Variants in AFF4 observed in about 807,000 individuals in gnomAD.
AFF4 encodes the protein AF4/FMR2 family member 4.
In AFF4, 13 loss-of-function variants were observed where a neutral mutation model predicts 124.8. The ratio of observed to expected loss-of-function variants is 0.10; its 90% CI spans 0.07 to 0.17. AFF4 has a LOEUF of 0.17. Ranked by LOEUF, AFF4 falls within the 10% of genes least tolerant of loss-of-function variation. The pLI, the probability that AFF4 is intolerant of heterozygous loss-of-function variation, is 1.00. For synonymous variants in AFF4, 477 were observed against 496.1 expected (o/e 0.96, Z 0.51); for missense variants, 1,092 against 1,403.8 (o/e 0.78, Z 3.55).
chr5:132,895,346 G>A lies in AFF4; in HGVS notation c.2307+977C>T, dbSNP rs562007495. ...TAATTTGTCTGAATATATATCATCTGCACGTGGCACTGTGGTTTTATGAAA... is the reference window on the plus strand; with the variant it reads ...TAATTTGTCTGAATATATATCATCTACACGTGGCACTGTGGTTTTATGAAA... On this transcript the variant is annotated intron_variant, in intron 11 of 20. Coordinates refer to ENST00000265343, the MANE Select transcript of AFF4 (RefSeq NM_014423.4). Among the ~76,000 whole-genome samples the A allele has an allele frequency of 2.5e-4, 38 of 152,302 alleles. 1 individual carries two copies. Among genetic ancestry groups the A allele is most frequent in the Admixed American group, 2.3e-3 (35 of 15,310 alleles).
In AFF4 at chr5:132,876,417, G is replaced by A. The variant is rs912584836; in HGVS notation, c.*4642C>T. On this transcript the variant is annotated 3_prime_UTR_variant, in exon 21 of 21. Transcript: ENST00000265343. The stretch of plus-strand genomic sequence containing the variant: ...AATTCCAATGGTTAAAAGCTGAAAA[G>A]AAGTCCCACATGGAAGCAGTAAGAG... 5.3e-5 allele frequency: 12 copies of A among 225,398 alleles called. No homozygotes were observed. The highest frequency in any genetic ancestry group is 2.7e-4 in the African/African-American group (12 of 44,832). 14.0% of individuals were successfully genotyped at this position (225,398 alleles called of 1,614,324 possible).
At chr5:132,946,431 C>T (rs972134693) in intron 1 of AFF4, among the ~76,000 whole-genome samples, 40 of 152,100 alleles carry the variant, frequency 2.6e-4, no homozygotes, top group Non-Finnish European at 4.6e-4. Context: ...CAACAGATGA[C>T]GATCCATCAA....
intron 1 of AFF4, among the ~76,000 whole-genome samples, chr5:132,946,174 T>G (rs1347745471): frequency 1.3e-5 from 2 of 152,130 alleles, no homozygotes; most frequent in Admixed American, 1.3e-4. Context: ...ATAACACGTG[T>G]TGGTGAGGAT....
At chr5:132,889,213 GA>G (rs1041993223) in intron 13 of AFF4, 40 bp from the exon 14 acceptor site, 2 of 1,440,046 alleles carry the variant, frequency 1.4e-6, no homozygotes, top group Admixed American at 1.9e-5. Context: ...AAACCGTAAG[GA>G]GATTAAAAAT....
intron 1 of AFF4, chr5:132,937,500 C>T (rs2288386): frequency 0.17 from 29,786 of 178,304 alleles, 3,246 homozygotes; most frequent in East Asian, 0.47. Context: ...TCAGAGGGAA[C>T]GTAGTATTTG....
At chr5:132,917,340 A>AG (rs1760935899) in intron 5 of AFF4, among the ~76,000 whole-genome samples, 1 of 152,218 alleles carries the variant, frequency 6.6e-6, no homozygotes. Flanking sequence ...GAGAACTCTT[A>AG]GGCAAAGAGG....
chr5:132,902,927 T>C (rs549973913), intron 6 of AFF4, among the ~76,000 whole-genome samples: 1 of 152,208 alleles, frequency 6.6e-6, no homozygotes, highest in African/African-American at 2.4e-5. Context: ...TAAATTAAGA[T>C]ATTTTCATAT....
At chr5:132,913,827 A>G (rs1760848571) in intron 5 of AFF4, among the ~76,000 whole-genome samples, 2 of 152,202 alleles carry the variant, frequency 1.3e-5, no homozygotes, top group African/African-American at 4.8e-5. Flanking sequence ...AATCTCATAC[A>G]ATGTATGCTT....
chr5:132,941,704 T>TC lies in AFF4; in HGVS notation c.-4-4512dup, dbSNP rs376432911. On this transcript the variant is annotated intron_variant, in intron 1 of 20. Transcript: ENST00000265343. ...AACACCAGATGTGTGGGGTTTTTTT[T>TC]CGCACGCACAAGCAAGCAATTGGCC... Among the ~76,000 whole-genome samples, 46 of 152,048 alleles carry TC rather than the reference T, an allele frequency of 3.0e-4. 1 individual carries two copies. Among genetic ancestry groups the TC allele is most frequent in the Admixed American group, 2.7e-3 (41 of 15,258 alleles).
chr5:132,927,387 A>T, intron 4 of AFF4, 180 bp from the exon 5 acceptor site: 1 of 503,358 alleles, frequency 2.0e-6, no homozygotes, highest in Non-Finnish European at 3.5e-6. Flanking sequence ...GGTAATAAGA[A>T]GATTAATAAA....
intron 1 of AFF4, among the ~76,000 whole-genome samples, chr5:132,962,920 A>G (rs1479575587): frequency 6.6e-6 from 1 of 151,816 alleles, no homozygotes; most frequent in Non-Finnish European, 1.5e-5. Context: ...TTTCTCTTTA[A>G]TTAGACATAA....
chr5:132,916,868 A>G (rs995905236), intron 5 of AFF4, among the ~76,000 whole-genome samples: 4 of 152,222 alleles, frequency 2.6e-5, no homozygotes, highest in African/African-American at 7.2e-5. Context: ...AGTAGAGTTT[A>G]CATCAGGAAT....
chr5:132,948,514 A>C (rs1761753709), intron 1 of AFF4: 1 of 152,994 alleles, frequency 6.5e-6, no homozygotes, highest in Non-Finnish European at 1.5e-5. Context: ...CACAGTGACG[A>C]GCATGTTCTG....
chr5:132,954,546 CTTTTTTTT>C (rs1204231856), intron 1 of AFF4, among the ~76,000 whole-genome samples: 1 of 122,146 alleles, frequency 8.2e-6, no homozygotes, highest in Non-Finnish European at 1.7e-5. Context: ...AAACAATGCT[CTTTTTTTT>C]TTTTTTTTTT....
chr5:132,917,903 T>C (rs1347069442), intron 5 of AFF4, among the ~76,000 whole-genome samples: 4 of 150,330 alleles, frequency 2.7e-5, no homozygotes, highest in Non-Finnish European at 5.9e-5. Context: ...TTAGCAGAGA[T>C]GGGGTTTCTA....
rs1319351009 is a variant in AFF4 at position 132,896,312 on chromosome 5, C to T, written c.2307+11G>A. On this transcript the variant is annotated intron_variant, in intron 11 of 20. Coordinates refer to ENST00000265343, the MANE Select transcript of AFF4 (RefSeq NM_014423.4). ...ATGTTTCAAAACAAACAACAAAAAC[C>T]CTTCACAAACCTTATGCTTCCTCTT... 1 of 1,563,042 alleles carries T rather than the reference C, an allele frequency of 6.4e-7. No homozygotes were observed. Among genetic ancestry groups the T allele is most frequent in the Non-Finnish European group, 8.6e-7 (1 of 1,162,988 alleles).
At chr5:132,908,928 G>A (rs1207931497) in intron 5 of AFF4, among the ~76,000 whole-genome samples, 2 of 150,312 alleles carry the variant, frequency 1.3e-5, no homozygotes, top group African/African-American at 2.4e-5. Flanking sequence ...CTGCCACCAC[G>A]CCCAGTTAAT....
intron 1 of AFF4, among the ~76,000 whole-genome samples, chr5:132,961,157 A>G (rs1211773839): frequency 1.3e-5 from 2 of 152,058 alleles, no homozygotes; most frequent in African/African-American, 4.8e-5. Context: ...CCCAGGAGGC[A>G]GAGGTTGCAG....
At position 132,883,395 on chromosome 5, in the gene AFF4, G is replaced by T; in HGVS notation, c.3309C>A (p.Phe1103Leu). Reference sequence around the variant, plus strand: ...GGTCCCAAATTTCGGTGGCATAGAGGAAGTTGGATGTGACCTGAACATAGC... The same window carrying T: ...GGTCCCAAATTTCGGTGGCATAGAGTAAGTTGGATGTGACCTGAACATAGC... ...AASYVQVTSN[F>L]LYATEIWDQA... The change falls in exon 20 of 21, where the codon TTC becomes TTA. Residue 1103 changes from phenylalanine (F) to leucine (L), a missense_variant. Transcript: ENST00000265343. 1 of 1,614,062 alleles carries T rather than the reference G, an allele frequency of 6.2e-7. No individual in the cohort carries two copies. Among genetic ancestry groups the T allele is most frequent in the Non-Finnish European group, 8.5e-7 (1 of 1,180,024 alleles).
Sources: allele counts gnomAD v4.1 joint callset (sites outside exome capture counted in the v4.1 genomes callset), GRCh38; gene constraint gnomAD v4.1.1; transcripts MANE v1.5; gene names NCBI Gene and HGNC (gene_info 2026-07-23, HGNC 2026-07-21).